SLC26A2: variants seen among roughly 807,000 people sequenced by gnomAD.
SLC26A2 encodes sulfate transporter.
Under a neutral mutation model 41.1 loss-of-function variants are expected in SLC26A2, and 36 were observed. The ratio of observed to expected loss-of-function variants is 0.88; its 90% CI spans 0.67 to 1.16. The LOEUF is 1.16. SLC26A2 is among the 50% of genes most tolerant of loss of function. The pLI is 0.00. For missense variants in SLC26A2, 796 were observed against 869.6 expected (o/e 0.92, Z 1.07); for synonymous variants, 291 against 311.6 (o/e 0.93, Z 0.70).
intron 1 of SLC26A2, among the ~76,000 whole-genome samples, chr5:149,970,979 T>C (rs968591002): frequency 2.6e-5 from 4 of 152,230 alleles, no homozygotes; most frequent in African/African-American, 9.6e-5. Flanking sequence ...TGAAGACCAG[T>C]ACCCAACCTC....
chr5:149,977,695 G>T lies in SLC26A2; in HGVS notation c.43G>T (p.Asp15Tyr), dbSNP rs1245396440. The change falls in exon 2 of 3, where the codon GAC becomes TAC. Residue 15 changes from aspartate (D) to tyrosine (Y), a missense_variant. Coordinates refer to ENST00000286298, the MANE Select transcript of SLC26A2 (RefSeq NM_000112.4). ...AGAGCAACATAACGTTTCACCCAGA[G>T]ACTCAGCTGAAGGAAATGACAGTTA... Reference protein sequence around the residue: ...SKEQHNVSPRDSAEGNDSYPS... With the variant: ...SKEQHNVSPRYSAEGNDSYPS... 1 of 1,614,092 alleles carries T rather than the reference G, an allele frequency of 6.2e-7. No individual in the cohort carries two copies. The highest frequency in any genetic ancestry group is 8.5e-7 in the Non-Finnish European group (1 of 1,179,970).
In SLC26A2 at chr5:149,981,475, C is replaced by G. The variant is rs769511611; in HGVS notation, c.1882C>G (p.Leu628Val). 2 of 1,614,138 alleles carry G rather than the reference C, an allele frequency of 1.2e-6. No homozygotes were observed. Among genetic ancestry groups the G allele is most frequent in the Admixed American group, 3.3e-5 (2 of 60,008 alleles). ...AAAGATCAAAGAAAAAGTAGTGACT[C>G]TTGGTGGAATCCAGGATGAAATGTC... ...KRKIKEKVVT[L>V]GGIQDEMSVQ... Residue 628 changes from leucine to valine, a missense_variant, in exon 3 of 3, where the codon CTT (leucine) becomes GTT (valine). Coordinates refer to ENST00000286298, the MANE Select transcript of SLC26A2 (RefSeq NM_000112.4).
chr5:149,981,079 C>T lies in SLC26A2; in HGVS notation c.1486C>T (p.Arg496Cys), dbSNP rs768811618. The change falls in exon 3 of 3, where the codon CGT becomes TGT. Residue 496 changes from arginine to cysteine, a missense_variant. Arg to Cys is a radical substitution (Grantham distance 180, BLOSUM62 -3). Coordinates refer to ENST00000286298, the MANE Select transcript of SLC26A2 (RefSeq NM_000112.4). ...AATTGTAAATCTACGGGGAGCCCTT[C>T]GTAAATTTAGGGATCTTCCCAAAAT... is the stretch of plus-strand genomic sequence containing the variant. Reference protein sequence around the residue: ...ITIVNLRGALRKFRDLPKMWS... With the variant: ...ITIVNLRGALCKFRDLPKMWS... The T allele has an allele frequency of 5.0e-6, 8 of 1,614,100 alleles. No homozygotes were observed. The highest frequency in any genetic ancestry group is 1.6e-4 in the Middle Eastern group (1 of 6,062).
intron 1 of SLC26A2, among the ~76,000 whole-genome samples, chr5:149,975,871 G>A (rs1300714095): frequency 2.6e-5 from 4 of 151,974 alleles, no homozygotes; most frequent in Non-Finnish European, 5.9e-5. Flanking sequence ...AAAATATATT[G>A]TCTCGGCTGG....
intron 1 of SLC26A2, among the ~76,000 whole-genome samples, chr5:149,967,173 G>A (rs1357545515): frequency 1.3e-5 from 2 of 152,074 alleles, no homozygotes; most frequent in African/African-American, 2.4e-5. Flanking sequence ...TTAAAGAAAA[G>A]AAAAAGAAAA....
rs1391189436 is a variant in SLC26A2 at position 149,987,014 on chromosome 5, T to G, written c.*5201T>G. The G allele has an allele frequency of 6.6e-6, 1 of 152,242 alleles. No individual in the cohort carries two copies. The highest frequency in any genetic ancestry group is 2.4e-5 in the African/African-American group (1 of 41,466). 9.4% of individuals were successfully genotyped at this position (152,242 alleles called of 1,614,324 possible). Reference sequence around the variant, plus strand: ...TTTTTTTGTCTTCTTTGGAACTTTGTACACAAACCAAGACAATATCAGGGT... The same window carrying G: ...TTTTTTTGTCTTCTTTGGAACTTTGGACACAAACCAAGACAATATCAGGGT... On this transcript the variant is annotated 3_prime_UTR_variant, in exon 3 of 3. Coordinates refer to ENST00000286298, the MANE Select transcript of SLC26A2 (RefSeq NM_000112.4).
rs945027162 is a variant in SLC26A2, at chr5:149,985,270, T to C, written c.*3457T>C. On this transcript the variant is annotated 3_prime_UTR_variant, in exon 3 of 3. Transcript: ENST00000286298. Reference sequence around the variant, plus strand: ...CTTCTAAACTGAGTGACTGTAGTACTATCTGTGCCTCTGATGGTAATAAAA... The same window carrying C: ...CTTCTAAACTGAGTGACTGTAGTACCATCTGTGCCTCTGATGGTAATAAAA... 3.9e-5 allele frequency: 6 copies of C among 152,230 alleles called. No homozygotes were observed. In the East Asian group the frequency reaches 1.2e-3, roughly 29 times the overall value. 9.4% of individuals were successfully genotyped at this position (152,230 alleles called of 1,614,324 possible).
At chr5:149,979,806 G>A (rs1183281958) in intron 2 of SLC26A2, among the ~76,000 whole-genome samples, 1 of 152,168 alleles carries the variant, frequency 6.6e-6, no homozygotes, top group Non-Finnish European at 1.5e-5. Context: ...AACTTCACTT[G>A]TACACTTGCT....
chr5:149,969,196 G>A (rs1328260720), intron 1 of SLC26A2, among the ~76,000 whole-genome samples: 1 of 152,164 alleles, frequency 6.6e-6, no homozygotes, highest in Non-Finnish European at 1.5e-5. Flanking sequence ...CTAATTCTAT[G>A]CTAGGTATTA....
rs921384755 is a variant in SLC26A2, at chr5:149,981,273, T to C, written c.1680T>C (p.Ser560=). ...KSSLLGLVEE[S]EVFESVSAYK... is the part of the protein sequence containing the mutation. ...CACTGCTTGGCTTGGTGGAAGAGTC[T>C]GAGGTCTTTGAATCTGTGTCTGCTT... The change falls in exon 3 of 3, where the codon TCT becomes TCC. Residue 560 remains serine, a synonymous_variant. Transcript: ENST00000286298. 1.9e-6 allele frequency: 3 copies of C among 1,614,082 alleles called. No individual in the cohort carries two copies. The highest frequency in any genetic ancestry group is 1.7e-6 in the Non-Finnish European group (2 of 1,180,024).
chr5:149,974,396 TTCTTGGAG>T (rs1754955768), intron 1 of SLC26A2, among the ~76,000 whole-genome samples: 1 of 151,450 alleles, frequency 6.6e-6, no homozygotes, highest in African/African-American at 2.4e-5. Context: ...TTCTCTAAGA[TTCTTGGAG>T]ATAGATTATA....
At chr5:149,967,404 C>A (rs1168218915) in intron 1 of SLC26A2, among the ~76,000 whole-genome samples, 4 of 152,190 alleles carry the variant, frequency 2.6e-5, no homozygotes, top group Non-Finnish European at 4.4e-5. Context: ...TCTCCTACCC[C>A]ACCTTACTTC....
At chr5:149,964,127 A>G (rs1298464266) in intron 1 of SLC26A2, among the ~76,000 whole-genome samples, 2 of 152,188 alleles carry the variant, frequency 1.3e-5, no homozygotes, top group Non-Finnish European at 2.9e-5. Flanking sequence ...TTTGGGGAGC[A>G]TATCCAAATG....
At chr5:149,964,943 T>C (rs914484557) in intron 1 of SLC26A2, among the ~76,000 whole-genome samples, 43 of 152,360 alleles carry the variant, frequency 2.8e-4, no homozygotes, top group East Asian at 1.7e-3. Flanking sequence ...AAGGCTGAAC[T>C]ATGCCTGCAA....
chr5:149,981,349 C>T lies in SLC26A2; in HGVS notation c.1756C>T (p.Pro586Ser). 1 of 1,613,962 alleles carries T rather than the reference C, an allele frequency of 6.2e-7. No individual in the cohort carries two copies. Among genetic ancestry groups the T allele is most frequent in the Non-Finnish European group, 8.5e-7 (1 of 1,179,968 alleles). ...CATCAAGATTTTCCGCTTTGTAGCC[C>T]CTCTCTACTACATAAACAAAGAATG... ...PGIKIFRFVAPLYYINKECFK... is the reference protein window; with the variant it reads ...PGIKIFRFVASLYYINKECFK... Residue 586 changes from proline to serine, a missense_variant, in exon 3 of 3, where the codon CCT (proline) becomes TCT (serine). Physicochemically the swap from Pro to Ser is moderately conservative, Grantham distance 74. Transcript: ENST00000286298.
chr5:149,981,687 AT>A lies in SLC26A2; in HGVS notation c.2095del (p.Tyr699IlefsTer36). ...TGAGGGATTCCCTAACCAACGGAGAATATTGCAAAAAGGAAGAAGAAAACCT... is the reference window on the plus strand; with the variant it reads ...TGAGGGATTCCCTAACCAACGGAGAAATTGCAAAAAGGAAGAAGAAAACCT... ...TVRDSLTNGE[Y>X]CKKEEENLLF... On this transcript the variant is annotated frameshift_variant, in exon 3 of 3. Coordinates refer to ENST00000286298, the MANE Select transcript of SLC26A2 (RefSeq NM_000112.4). LOFTEE classifies it high-confidence loss of function. The A allele has an allele frequency of 6.2e-7, 1 of 1,612,278 alleles. No individual in the cohort carries two copies. The highest frequency in any genetic ancestry group is 8.5e-7 in the Non-Finnish European group (1 of 1,179,398).
In SLC26A2 at chr5:149,985,006, G is replaced by A. The variant is rs1755172870; in HGVS notation, c.*3193G>A. 6.6e-6 allele frequency: 1 copy of A among 152,246 alleles called. No homozygotes were observed. The highest frequency in any genetic ancestry group is 6.5e-5 in the Admixed American group (1 of 15,284). 9.4% of individuals were successfully genotyped at this position (152,246 alleles called of 1,614,324 possible). ...CAGACCATTGAAAAGACTATTATCT[G>A]ACCAGCGGAGGCAGAAAAGAGAGGA... On this transcript the variant is annotated 3_prime_UTR_variant, in exon 3 of 3. Coordinates refer to ENST00000286298, the MANE Select transcript of SLC26A2 (RefSeq NM_000112.4).
At chr5:149,965,582 TA>T (rs1251779344) in intron 1 of SLC26A2, among the ~76,000 whole-genome samples, 89 of 151,804 alleles carry the variant, frequency 5.9e-4, no homozygotes, top group African/African-American at 2.0e-3. Context: ...TATTTTTAAT[TA>T]TTTTTTTTTC....
rs911392928 is a variant in SLC26A2 at position 149,983,136 on chromosome 5, G to C, written c.*1323G>C. 1 of 151,888 alleles carries C rather than the reference G, an allele frequency of 6.6e-6. No individual in the cohort carries two copies. The highest frequency in any genetic ancestry group is 2.4e-5 in the African/African-American group (1 of 41,370). The allele number at this position is 151,888 out of a possible 1,614,324, so 9.4% of individuals were successfully genotyped here. On this transcript the variant is annotated 3_prime_UTR_variant, in exon 3 of 3. Coordinates refer to ENST00000286298, the MANE Select transcript of SLC26A2 (RefSeq NM_000112.4). ...AACCCTATGTGTAGGGCATCTGTTGGAGTGGGATGCTTTTAGACATATATT... is the reference window on the plus strand; with the variant it reads ...AACCCTATGTGTAGGGCATCTGTTGCAGTGGGATGCTTTTAGACATATATT...
Sources: gnomAD v4.1 joint callset for allele counts (sites outside exome capture counted in the v4.1 genomes callset) on GRCh38, gnomAD v4.1.1 for gene constraint, MANE v1.5 for transcripts, NCBI Gene and HGNC (gene_info 2026-07-23, HGNC 2026-07-21) for gene names.